NAV2: variants seen among roughly 807,000 people sequenced by gnomAD.
NAV2 encodes the protein helicase, APC down-regulated 1.
NAV2 carries 54 observed loss-of-function variants against 223.2 expected under a neutral mutation model. The observed-to-expected ratio is 0.24, with a 90% confidence interval of 0.19 to 0.30. The LOEUF (loss-of-function observed/expected upper bound fraction) is 0.30. Ranked by LOEUF, NAV2 falls within the 10% of genes least tolerant of loss-of-function variation. The probability of loss-of-function intolerance (pLI) is 1.00; values close to 1 mark genes in which losing one functional copy is unlikely to be tolerated. For missense variants in NAV2, 2,806 were observed against 3,147.5 expected (o/e 0.89, Z 2.60); for synonymous variants, 1,279 against 1,239.3 (o/e 1.03, Z -0.67).
intron 1 of NAV2, among the ~76,000 whole-genome samples, chr11:19,437,966 A>G (rs970368243): frequency 6.6e-6 from 1 of 152,220 alleles, no homozygotes; most frequent in Non-Finnish European, 1.5e-5. Context: ...CTCTGTGCCA[A>G]CATAATCACT....
At chr11:19,635,161 G>T (rs555989463) in intron 1 of NAV2, among the ~76,000 whole-genome samples, 4 of 152,186 alleles carry the variant, frequency 2.6e-5, no homozygotes, top group Non-Finnish European at 5.9e-5. Context: ...TGAATATATA[G>T]CAGTATCGCA....
chr11:19,417,156 G>A (rs572616003), intron 1 of NAV2, among the ~76,000 whole-genome samples: 1 of 152,250 alleles, frequency 6.6e-6, no homozygotes, highest in South Asian at 2.1e-4. Flanking sequence ...AGAATGAACA[G>A]GCAACCTACA....
chr11:19,373,008 G>A (rs990009233), intron 1 of NAV2, among the ~76,000 whole-genome samples: 4 of 152,060 alleles, frequency 2.6e-5, no homozygotes, highest in Admixed American at 6.5e-5. Context: ...AACATTTTTG[G>A]GAGTCGACTT....
rs61693344 is a variant in NAV2, at chr11:19,793,222, AAAAAAAAGAAAG to A, written c.268-39258_268-39247del. 1.5e-3 allele frequency among the ~76,000 whole-genome samples: 219 copies of A among 148,120 alleles called. 3 individuals are homozygous for A. The highest frequency in any genetic ancestry group is 5.0e-3 in the African/African-American group (202 of 40,408). On this transcript the variant is annotated intron_variant, in intron 1 of 37. Transcript: ENST00000349880. Reference sequence around the variant, plus strand: ...ACTCTGTCTCAAAAAAAAAAAAAAAAAAAAAAAGAAAGAAAGAAAGAAAGAAAGGATGGATGG... The same window carrying A: ...ACTCTGTCTCAAAAAAAAAAAAAAAAAAAGAAAGAAAGAAAGGATGGATGG...
chr11:19,641,090 T>C lies in NAV2; in HGVS notation c.76-191394T>C, dbSNP rs538173514. 5.1e-4 allele frequency among the ~76,000 whole-genome samples: 77 copies of C among 152,268 alleles called. 1 individual carries two copies. Among genetic ancestry groups the C allele is most frequent in the African/African-American group, 1.8e-3 (74 of 41,550 alleles). ...GCTTTCCAGAGACTGTTGCTGTCCA[T>C]CGCACTCTGGGCAGACAGGCCCCTG... On this transcript the variant is annotated intron_variant, in intron 1 of 37. Coordinates refer to the NAV2 transcript ENST00000360655.
chr11:19,582,952 A>G (rs1322423728), intron 1 of NAV2, among the ~76,000 whole-genome samples: 1 of 152,220 alleles, frequency 6.6e-6, no homozygotes, highest in African/African-American at 2.4e-5. Context: ...CATTGAATCT[A>G]TAAATTACCT....
At chr11:19,538,614 A>G (rs11606713) in intron 1 of NAV2, among the ~76,000 whole-genome samples, 29,148 of 151,794 alleles carry the variant, frequency 0.19, 4,465 homozygotes, top group African/African-American at 0.43. Flanking sequence ...TCAGGCTCCC[A>G]AAGTGCTGAG....
intron 1 of NAV2, among the ~76,000 whole-genome samples, chr11:19,799,254 G>A (rs1333349090): frequency 6.6e-6 from 1 of 152,134 alleles, no homozygotes; most frequent in Non-Finnish European, 1.5e-5. Flanking sequence ...AGGGATTCTG[G>A]GCCACAGGTG....
intron 1 of NAV2, among the ~76,000 whole-genome samples, chr11:19,791,397 G>T (rs1454355219): frequency 6.6e-6 from 1 of 152,124 alleles, no homozygotes; most frequent in African/African-American, 2.4e-5. Context: ...AACACGTCAA[G>T]CCCGCCAAGT....
chr11:20,016,197 A>G (rs1046329370), intron 11 of NAV2, among the ~76,000 whole-genome samples: 9 of 152,230 alleles, frequency 5.9e-5, no homozygotes, highest in Non-Finnish European at 1.2e-4. Flanking sequence ...TGGAGTTGAT[A>G]TAGCCGATTG....
chr11:19,355,717 T>C (rs531222034), intron 1 of NAV2, among the ~76,000 whole-genome samples: 1 of 152,298 alleles, frequency 6.6e-6, no homozygotes, highest in South Asian at 2.1e-4. Flanking sequence ...CATTTCTCTT[T>C]CTTCAGTCCT....
chr11:19,961,919 G>C (rs77641720), intron 10 of NAV2, among the ~76,000 whole-genome samples: 7,193 of 151,998 alleles, frequency 0.047, 534 homozygotes, highest in African/African-American at 0.16. Context: ...CTGTGCATTA[G>C]TCAAGGTTCT....
At chr11:20,088,699 A>G (rs888839702) in intron 26 of NAV2, among the ~76,000 whole-genome samples, 2 of 152,226 alleles carry the variant, frequency 1.3e-5, no homozygotes, top group East Asian at 3.9e-4. Flanking sequence ...CGTGAGTGCC[A>G]AGAAGGTATT....
rs143449406 is a variant in NAV2 at position 19,556,953 on chromosome 11, C to T, written c.75+205926C>T. 4.4e-3 allele frequency among the ~76,000 whole-genome samples: 676 copies of T among 152,206 alleles called. 4 individuals are homozygous for T. Among genetic ancestry groups the T allele is most frequent in the Non-Finnish European group, 6.1e-3 (414 of 68,020 alleles). The stretch of plus-strand genomic sequence containing the variant: ...ACTAGTCTTCTAGGGGATTTATGGA[C>T]CTTGATTTTAAAAATCTCTGTATCA... On this transcript the variant is annotated intron_variant, in intron 1 of 37. Coordinates refer to the NAV2 transcript ENST00000360655.
intron 1 of NAV2, among the ~76,000 whole-genome samples, chr11:19,755,970 G>A (rs1347247786): frequency 1.3e-5 from 2 of 152,206 alleles, no homozygotes; most frequent in East Asian, 3.8e-4. Context: ...GCCTAGTGGT[G>A]GCTGGCTGGG....
At chr11:19,361,677 CT>C (rs1201803329) in intron 1 of NAV2, among the ~76,000 whole-genome samples, 1 of 152,106 alleles carries the variant, frequency 6.6e-6, no homozygotes, top group Non-Finnish European at 1.5e-5. Context: ...TGTGAGCTCT[CT>C]TTTCTGGTGG....
chr11:19,493,323 T>C (rs1482789990), intron 1 of NAV2, among the ~76,000 whole-genome samples: 1 of 152,168 alleles, frequency 6.6e-6, no homozygotes, highest in Non-Finnish European at 1.5e-5. Context: ...TCATATCACA[T>C]ACATATTTAT....
intron 1 of NAV2, among the ~76,000 whole-genome samples, chr11:19,647,309 G>A (rs1382116644): frequency 6.6e-6 from 1 of 152,104 alleles, no homozygotes; most frequent in East Asian, 1.9e-4. Context: ...GGAAGACTGT[G>A]GAGTAGTCCT....
intron 11 of NAV2, among the ~76,000 whole-genome samples, chr11:20,005,089 A>G (rs1212018602): frequency 6.6e-6 from 1 of 152,038 alleles, no homozygotes; most frequent in Non-Finnish European, 1.5e-5. Context: ...ATTCATTCTC[A>G]CTGGCCCACA....
Sources: allele counts gnomAD v4.1 joint callset (sites outside exome capture counted in the v4.1 genomes callset), GRCh38; gene constraint gnomAD v4.1.1; transcripts MANE v1.5; gene names NCBI Gene and HGNC (gene_info 2026-07-23, HGNC 2026-07-21).